Variants in MPC1 observed in about 807,000 individuals in gnomAD.
MPC1 encodes the protein HSPC040 protein.
A neutral mutation model predicts 13.9 loss-of-function variants in MPC1; 6 were observed. The observed-to-expected ratio is 0.43, with a 90% CI of 0.24 to 0.85. The LOEUF is 0.85. Among genes scored for constraint, MPC1 ranks in the 40% least tolerant of loss-of-function variants. MPC1 has a pLI of 0.24. For synonymous variants in MPC1, 47 were observed against 50.5 expected (o/e 0.93, Z 0.29); for missense variants, 115 against 143.3 (o/e 0.80, Z 1.01).
chr6:166,382,581 G>A (rs1050209409), intron 1 of MPC1, among the ~76,000 whole-genome samples: 2 of 152,024 alleles, frequency 1.3e-5, no homozygotes, highest in Non-Finnish European at 2.9e-5. Context: ...GCCCTGAAAG[G>A]CGCCCACTGT....
chr6:166,375,710 G>A lies in MPC1; in HGVS notation c.72-5489C>T, dbSNP rs191037865. Among the ~76,000 whole-genome samples, 186 of 152,292 alleles carry A rather than the reference G, an allele frequency of 1.2e-3. 1 individual carries two copies. Among genetic ancestry groups the A allele is most frequent in the African/African-American group, 4.3e-3 (180 of 41,548 alleles). ...ATCTCCAAGTATCGGGGATTTTCCA[G>A]CTTTCGTTAGTGACTTCTAGTTGAA... On this transcript the variant is annotated intron_variant, in intron 1 of 4. Coordinates refer to ENST00000360961, the MANE Select transcript of MPC1 (RefSeq NM_016098.4).
intron 2 of MPC1, chr6:166,369,942 C>T (rs1325568636): frequency 5.1e-6 from 3 of 589,216 alleles, no homozygotes; most frequent in Non-Finnish European, 6.2e-6. Flanking sequence ...TTCCTTTCAT[C>T]GGTTGCTAGG....
intron 2 of MPC1, chr6:166,368,670 C>CT: frequency 1.2e-6 from 1 of 801,288 alleles, no homozygotes; most frequent in Non-Finnish European, 1.5e-6. Flanking sequence ...GGCCAGTTTT[C>CT]TTTTTTCCTT....
At chr6:166,375,829 T>C (rs1158919402) in intron 1 of MPC1, among the ~76,000 whole-genome samples, 2 of 152,224 alleles carry the variant, frequency 1.3e-5, no homozygotes, top group Non-Finnish European at 2.9e-5. Context: ...GAGTGTTCCA[T>C]GTGAGCTTGA....
Position 166,366,013 on chromosome 6 carries a change from A to C in MPC1, c.266T>G (p.Val89Gly), listed in dbSNP as rs1562455833. The C allele has an allele frequency of 6.2e-7, 1 of 1,613,888 alleles. No individual in the cohort carries two copies. Among genetic ancestry groups the C allele is most frequent in the Non-Finnish European group, 8.5e-7 (1 of 1,179,884 alleles). ...CCGCCCTCCCTGGATGAGCTGGGCT[A>C]CTTCATTTGTTGCGTGGCATGCAAA... ...LLFACHATNE[V>G]AQLIQGGRLI... The change falls in exon 4 of 5, where the codon GTA becomes GGA. Residue 89 changes from valine to glycine, a missense_variant. By Grantham distance (109) the Val-to-Gly change is moderately radical. This residue lies in a region of MPC1 where 71 missense variants were observed against 88.5 expected (regional missense o/e 0.80). Transcript: ENST00000360961.
intron 2 of MPC1, among the ~76,000 whole-genome samples, chr6:166,368,350 G>A (rs1372729044): frequency 3.3e-5 from 5 of 152,252 alleles, no homozygotes; most frequent in Non-Finnish European, 7.3e-5. Flanking sequence ...GAGGTCAGGA[G>A]TTTAAGACTA....
intron 1 of MPC1, among the ~76,000 whole-genome samples, chr6:166,376,861 G>C (rs979500297): frequency 6.6e-6 from 1 of 152,096 alleles, no homozygotes; most frequent in Non-Finnish European, 1.5e-5. Flanking sequence ...CTTAAAGTGG[G>C]TTTCTTGTAG....
chr6:166,370,174 G>A, intron 2 of MPC1, 44 bp downstream of exon 2: 3 of 780,922 alleles, frequency 3.8e-6, no homozygotes, highest in Non-Finnish European at 7.2e-6. Flanking sequence ...TGTTAATGCA[G>A]AAAGTCTGCA....
At chr6:166,382,592 C>T (rs1779841007) in intron 1 of MPC1, among the ~76,000 whole-genome samples, 1 of 152,226 alleles carries the variant, frequency 6.6e-6, no homozygotes, top group Admixed American at 6.5e-5. Context: ...CGCCCACTGT[C>T]ACCGGCTCTC....
chr6:166,382,567 C>T (rs967248684), intron 1 of MPC1, among the ~76,000 whole-genome samples: 4 of 152,022 alleles, frequency 2.6e-5, no homozygotes, highest in Non-Finnish European at 5.9e-5. Context: ...CCACTGTCAC[C>T]CCCGCCCTGA....
At chr6:166,374,534 C>T (rs1283655590) in intron 1 of MPC1, among the ~76,000 whole-genome samples, 3 of 152,136 alleles carry the variant, frequency 2.0e-5, no homozygotes, top group Non-Finnish European at 4.4e-5. Context: ...CCTAAATTAT[C>T]TGCTAGGAGT....
intron 1 of MPC1, among the ~76,000 whole-genome samples, chr6:166,375,008 A>G (rs1403792338): frequency 1.3e-5 from 2 of 152,174 alleles, no homozygotes; most frequent in Non-Finnish European, 2.9e-5. Context: ...ACTTTCACCT[A>G]TTCACTTAAA....
In MPC1 at chr6:166,365,367, C is replaced by T; in HGVS notation, c.*62G>A. On this transcript the variant is annotated 3_prime_UTR_variant, in exon 5 of 5. Coordinates refer to ENST00000360961, the MANE Select transcript of MPC1 (RefSeq NM_016098.4). The surrounding 1 kb of genome is among the most constrained non-coding windows in gnomAD (Gnocchi z 4.2). ...TTAGGGAGGCTATTTATAATGAAAT[C>T]TGTGACTCAGCAGCAGCTGGCAATG... is the stretch of plus-strand genomic sequence containing the variant. 7.2e-7 allele frequency: 1 copy of T among 1,383,884 alleles called. No homozygotes were observed. The highest frequency in any genetic ancestry group is 9.6e-7 in the Non-Finnish European group (1 of 1,041,112). 85.7% of individuals were successfully genotyped at this position (1,383,884 alleles called of 1,614,324 possible). A position where few individuals can be genotyped will look rare whatever the true frequency, so the allele number is the denominator to read the frequency against.
rs548345090 is a variant in MPC1, at chr6:166,378,600, G to T, written c.71+4206C>A. Reference sequence around the variant, plus strand: ...TTTATTCTTCTTAACCAGAAATCCAGGAAGGAGAATGAGAGAAGAGGAAAA... The same window carrying T: ...TTTATTCTTCTTAACCAGAAATCCATGAAGGAGAATGAGAGAAGAGGAAAA... On this transcript the variant is annotated intron_variant, in intron 1 of 4. Transcript: ENST00000360961. 3.3e-5 allele frequency among the ~76,000 whole-genome samples: 5 copies of T among 152,212 alleles called. No homozygotes were observed. In the South Asian group the frequency reaches 6.2e-4, roughly 19 times the overall value.
At chr6:166,374,609 C>T (rs1254956037) in intron 1 of MPC1, among the ~76,000 whole-genome samples, 2 of 152,276 alleles carry the variant, frequency 1.3e-5, no homozygotes, top group Non-Finnish European at 2.9e-5. Flanking sequence ...TAAATGGCGT[C>T]AGGTCTGTGT....
intron 1 of MPC1, 92 bp downstream of exon 1, chr6:166,382,714 G>T: frequency 7.4e-7 from 1 of 1,344,944 alleles, no homozygotes; most frequent in Non-Finnish European, 9.9e-7. Context: ...GGGCCACCGC[G>T]TCCTCGCGGC....
chr6:166,372,794 G>T (rs1457904903), intron 1 of MPC1, among the ~76,000 whole-genome samples: 2 of 150,566 alleles, frequency 1.3e-5, no homozygotes, highest in Non-Finnish European at 2.9e-5. Context: ...ACTGCAATTT[G>T]GGGACAGTAA....
intron 1 of MPC1, chr6:166,381,917 G>A (rs1451683274): frequency 1.4e-6 from 1 of 699,702 alleles, no homozygotes; most frequent in African/African-American, 1.9e-5. Flanking sequence ...TTTTATTTCC[G>A]CTGTCCCAGA....
chr6:166,378,027 C>T (rs1360501232), intron 1 of MPC1, among the ~76,000 whole-genome samples: 1 of 152,174 alleles, frequency 6.6e-6, no homozygotes. Context: ...CTTTAAATCC[C>T]AAGTTGACAT....
Sources: gnomAD v4.1 joint callset for allele counts (sites outside exome capture counted in the v4.1 genomes callset) on GRCh38, gnomAD v4.1.1 for gene constraint, gnomAD v4.1.1 regional missense constraint, Gnocchi (gnomAD v3.1) non-coding constraint, MANE v1.5 for transcripts, NCBI Gene and HGNC (gene_info 2026-07-23, HGNC 2026-07-21) for gene names.